The following CSMD1 variants were observed in gnomAD, a reference collection of about 807,000 sequenced individuals.
CSMD1 encodes CUB and Sushi multiple domains 1, also known as CUB and sushi domain-containing protein 1.
CSMD1 carries 213 observed loss-of-function variants against 417.5 expected under a neutral mutation model. The ratio of observed to expected loss-of-function variants is 0.51; its 90% confidence interval spans 0.46 to 0.57. The LOEUF is 0.57. CSMD1 is among the 20% of genes least tolerant of loss of function. The probability of loss-of-function intolerance (pLI) is 0.00; values close to 1 mark genes in which losing one functional copy is unlikely to be tolerated. For missense variants in CSMD1, 6,923 were observed against 4,529.7 expected, an observed-to-expected ratio of 1.53 and a Z score of -15.17; for synonymous variants, 2,862 against 1,736.8, an observed-to-expected ratio of 1.65 and a Z score of -16.11.
At chr8:3,303,116 T>C (rs959014118) in intron 25 of CSMD1, among the ~76,000 whole-genome samples, 2 of 152,232 alleles carry the variant, frequency 1.3e-5, no homozygotes, top group African/African-American at 2.4e-5. Flanking sequence ...GAAGGGTCTA[T>C]AGTGATGTTG....
intron 3 of CSMD1, among the ~76,000 whole-genome samples, chr8:4,082,949 AT>A (rs563597007): frequency 9.8e-4 from 149 of 151,852 alleles, no homozygotes; most frequent in African/African-American, 3.4e-3. Flanking sequence ...TGAACTCACC[AT>A]TTTTTATGGC....
intron 7 of CSMD1, among the ~76,000 whole-genome samples, chr8:3,657,636 G>T (rs571100358): frequency 3.6e-4 from 55 of 152,224 alleles, no homozygotes; most frequent in African/African-American, 1.3e-3. Flanking sequence ...ATAAGTGGGT[G>T]TTGAACAATG....
intron 1 of CSMD1, among the ~76,000 whole-genome samples, chr8:4,738,213 A>G (rs993339308): frequency 3.9e-5 from 6 of 152,188 alleles, no homozygotes; most frequent in Non-Finnish European, 8.8e-5. Flanking sequence ...ATTAAAAAAG[A>G]ATGTCCCTAC....
chr8:3,382,650 T>C (rs1010372300), intron 18 of CSMD1, among the ~76,000 whole-genome samples: 8 of 148,418 alleles, frequency 5.4e-5, no homozygotes, highest in African/African-American at 9.8e-5. Context: ...TATATAGAGA[T>C]AGATATAAAA....
At chr8:4,677,711 A>C (rs1805783620) in intron 1 of CSMD1, among the ~76,000 whole-genome samples, 1 of 152,202 alleles carries the variant, frequency 6.6e-6, no homozygotes, top group Non-Finnish European at 1.5e-5. Flanking sequence ...AGATGCAGAA[A>C]ACCCATTAGA....
At chr8:3,184,972 C>G (rs1821651869) in intron 36 of CSMD1, among the ~76,000 whole-genome samples, 1 of 152,224 alleles carries the variant, frequency 6.6e-6, no homozygotes, top group Admixed American at 6.5e-5. Flanking sequence ...TGTCACATCC[C>G]TGTTTTGTCC....
intron 2 of CSMD1, among the ~76,000 whole-genome samples, chr8:4,590,100 T>C (rs532174170): frequency 5.6e-4 from 85 of 152,342 alleles, no homozygotes; most frequent in African/African-American, 2.0e-3. Context: ...CAAAGTTATA[T>C]AGGTTTATTT....
At chr8:2,989,697 A>G (rs879018915) in intron 54 of CSMD1, among the ~76,000 whole-genome samples, 1 of 152,158 alleles carries the variant, frequency 6.6e-6, no homozygotes, top group Non-Finnish European at 1.5e-5. Flanking sequence ...GGTGTTTTTA[A>G]TTTCTTCTTC....
At chr8:3,932,253 G>A (rs908060282) in intron 5 of CSMD1, among the ~76,000 whole-genome samples, 2 of 150,456 alleles carry the variant, frequency 1.3e-5, no homozygotes, top group East Asian at 2.0e-4. Flanking sequence ...CAGGAAAATC[G>A]ACGAAAGTAA....
At chr8:3,185,670 T>C (rs530862443) in intron 36 of CSMD1, among the ~76,000 whole-genome samples, 5 of 152,258 alleles carry the variant, frequency 3.3e-5, no homozygotes, top group Non-Finnish European at 5.9e-5. Context: ...CAGCAGTTGA[T>C]AAATCCAAAT....
chr8:4,336,444 G>A (rs1393237637), intron 3 of CSMD1, among the ~76,000 whole-genome samples: 1 of 152,120 alleles, frequency 6.6e-6, no homozygotes, highest in African/African-American at 2.4e-5. Flanking sequence ...GTTAATGTCA[G>A]CATCTGTGCT....
intron 5 of CSMD1, among the ~76,000 whole-genome samples, chr8:3,927,600 G>A (rs1809834889): frequency 6.7e-6 from 1 of 149,558 alleles, no homozygotes; most frequent in Non-Finnish European, 1.5e-5. Flanking sequence ...GGAAGGCGGA[G>A]GTTGCAGTGA....
chr8:4,663,612 G>A (rs1455410820), intron 1 of CSMD1, among the ~76,000 whole-genome samples: 3 of 152,124 alleles, frequency 2.0e-5, no homozygotes, highest in South Asian at 4.1e-4. Context: ...CTCCAGCCAA[G>A]GAAGACATGC....
intron 3 of CSMD1, among the ~76,000 whole-genome samples, chr8:4,044,704 C>T (rs537481358): frequency 7.2e-5 from 11 of 152,242 alleles, no homozygotes; most frequent in Non-Finnish European, 1.5e-4. Context: ...CTGCGTACAA[C>T]CCTGGATGCA....
chr8:4,271,323 C>T (rs902989986), intron 3 of CSMD1, among the ~76,000 whole-genome samples: 2 of 151,994 alleles, frequency 1.3e-5, no homozygotes, highest in African/African-American at 4.8e-5. Flanking sequence ...TTGGTGAAAT[C>T]GTTCATTAGT....
At chr8:4,522,868 G>A (rs1270476915) in intron 2 of CSMD1, among the ~76,000 whole-genome samples, 11 of 152,138 alleles carry the variant, frequency 7.2e-5, no homozygotes, top group Admixed American at 3.3e-4. Context: ...CCCTGGCTAC[G>A]TGTTCTCCAG....
intron 69 of CSMD1, among the ~76,000 whole-genome samples, chr8:2,941,998 T>A (rs1257265736): frequency 6.6e-6 from 1 of 152,228 alleles, no homozygotes; most frequent in East Asian, 1.9e-4. Context: ...ATTCTCTTAT[T>A]TCTTAGATGT....
At chr8:3,268,746 C>A (rs1159970155) in intron 26 of CSMD1, among the ~76,000 whole-genome samples, 1 of 152,150 alleles carries the variant, frequency 6.6e-6, no homozygotes, top group Non-Finnish European at 1.5e-5. Flanking sequence ...TTGTCTACCT[C>A]TGCCTACCTA....
chr8:3,711,547 G>A (rs559414985), intron 6 of CSMD1, among the ~76,000 whole-genome samples: 50 of 152,266 alleles, frequency 3.3e-4, no homozygotes, highest in African/African-American at 9.9e-4. Context: ...GGCACCTGGC[G>A]TCTTCCTCCT....
Sources: allele counts gnomAD v4.1 joint callset (sites outside exome capture counted in the v4.1 genomes callset), GRCh38; gene constraint gnomAD v4.1.1; transcripts MANE v1.5; gene names NCBI Gene and HGNC (gene_info 2026-07-23, HGNC 2026-07-21).